MAGI2: variants seen among roughly 807,000 people sequenced by gnomAD.
The protein encoded by MAGI2 is membrane associated guanylate kinase, WW and PDZ domain containing 2.
Under a neutral mutation model 133.3 loss-of-function variants are expected in MAGI2, and 35 were observed. The observed-to-expected ratio is 0.26, with a 90% CI of 0.20 to 0.35. The LOEUF (loss-of-function observed/expected upper bound fraction) is 0.35. Among genes scored for constraint, MAGI2 ranks in the 10% least tolerant of loss-of-function variants. MAGI2 has a pLI of 1.00. For synonymous variants in MAGI2, 729 were observed against 710.6 expected (o/e 1.03, Z -0.41); for missense variants, 1,636 against 1,863.4 (o/e 0.88, Z 2.25).
intron 6 of MAGI2, among the ~76,000 whole-genome samples, chr7:78,387,314 A>G (rs1386820454): frequency 1.3e-5 from 2 of 152,168 alleles, no homozygotes; most frequent in African/African-American, 2.4e-5. Context: ...CTGTTACATG[A>G]ACAGGTGTAA....
At chr7:78,330,772 G>T (rs1468901607) in intron 9 of MAGI2, among the ~76,000 whole-genome samples, 1 of 152,102 alleles carries the variant, frequency 6.6e-6, no homozygotes, top group Non-Finnish European at 1.5e-5. Context: ...ACTTATTATA[G>T]TCAGGTTGGG....
rs1322101359 is a variant in MAGI2, at chr7:78,908,590, G to T, written c.418+98500C>A. ...AGAGGTAGATTAAATAAGCTCATTT[G>T]TGTAATATGATTCATGTTGGTGTTT... On this transcript the variant is annotated intron_variant, in intron 2 of 21. Transcript: ENST00000354212. 5.3e-5 allele frequency among the ~76,000 whole-genome samples: 8 copies of T among 152,298 alleles called. No homozygotes were observed. The East Asian group carries it at 1.5e-3, about 29-fold the overall frequency.
chr7:79,401,842 T>TA (rs1425231509), intron 1 of MAGI2, among the ~76,000 whole-genome samples: 1 of 152,102 alleles, frequency 6.6e-6, no homozygotes, highest in African/African-American at 2.4e-5. Flanking sequence ...GTTAAAGATA[T>TA]AAGAAAAGGA....
rs1233389114 is a variant in MAGI2 at position 78,017,639 on chromosome 7, T to C, written c.*1676A>G. ...ATGAATGGGTTTCATTTTTGGAAAT[T>C]GCTTTTACAAGCTGCAAGATCCTTC... On this transcript the variant is annotated 3_prime_UTR_variant, in exon 22 of 22. Coordinates refer to ENST00000354212, the MANE Select transcript of MAGI2 (RefSeq NM_012301.4). 1 of 152,666 alleles carries C rather than the reference T, an allele frequency of 6.6e-6. No homozygotes were observed. The highest frequency in any genetic ancestry group is 1.5e-5 in the Non-Finnish European group (1 of 68,048). The allele number at this position is 152,666 out of a possible 1,614,324, so 9.5% of individuals were successfully genotyped here.
intron 3 of MAGI2, among the ~76,000 whole-genome samples, chr7:78,566,525 A>G (rs1272572206): frequency 8.5e-6 from 1 of 117,378 alleles, no homozygotes; most frequent in African/African-American, 3.2e-5. Flanking sequence ...CTATCAACAG[A>G]CACAGTTTAA....
rs1794476585 is a variant in MAGI2, at chr7:78,865,362, G to A, written c.418+141728C>T. ...TTTGTGAGGAAGACCATTAGTCAAG[G>A]AGCTCTTAAAGGAAATTTGAGGGAC... On this transcript the variant is annotated intron_variant, in intron 2 of 21. Transcript: ENST00000354212. 2.0e-5 allele frequency among the ~76,000 whole-genome samples: 3 copies of A among 152,224 alleles called. No homozygotes were observed. In the South Asian group the frequency reaches 6.2e-4, roughly 32 times the overall value.
At chr7:78,300,944 TA>T in intron 9 of MAGI2, among the ~76,000 whole-genome samples, 1 of 152,164 alleles carries the variant, frequency 6.6e-6, no homozygotes, top group Admixed American at 6.6e-5. Flanking sequence ...AGCCAAAACA[TA>T]TTGAGTCTGG....
intron 2 of MAGI2, among the ~76,000 whole-genome samples, chr7:78,751,326 T>C (rs1823436729): frequency 6.6e-6 from 1 of 152,202 alleles, no homozygotes; most frequent in Non-Finnish European, 1.5e-5. Context: ...TTTTCATCCA[T>C]GAAACTTTCA....
At chr7:78,454,253 G>A (rs1230310029) in intron 6 of MAGI2, among the ~76,000 whole-genome samples, 2 of 152,084 alleles carry the variant, frequency 1.3e-5, no homozygotes, top group Non-Finnish European at 2.9e-5. Flanking sequence ...TTTGCATCAG[G>A]CTTTTGATAC....
intron 1 of MAGI2, among the ~76,000 whole-genome samples, chr7:79,163,252 G>C (rs540088289): frequency 6.6e-6 from 1 of 151,958 alleles, no homozygotes; most frequent in East Asian, 1.9e-4. Flanking sequence ...CTCAGATCAC[G>C]ATAACCTCTG....
chr7:79,115,460 ATATAGT>A (rs1819309675), intron 1 of MAGI2, among the ~76,000 whole-genome samples: 1 of 152,186 alleles, frequency 6.6e-6, no homozygotes. Context: ...TTGTTAGAAG[ATATAGT>A]TATAATTTTA....
intron 20 of MAGI2, among the ~76,000 whole-genome samples, chr7:78,113,469 T>C (rs1819558985): frequency 1.3e-5 from 2 of 152,192 alleles, no homozygotes; most frequent in Non-Finnish European, 2.9e-5. Context: ...GTGGACTGCA[T>C]ATGTGATGGT....
At chr7:78,200,322 T>A (rs534620103) in intron 11 of MAGI2, among the ~76,000 whole-genome samples, 1 of 152,296 alleles carries the variant, frequency 6.6e-6, no homozygotes, top group African/African-American at 2.4e-5. Context: ...TTTCAATCTA[T>A]CTGCAAGTGA....
At chr7:79,148,098 A>C (rs1490617093) in intron 1 of MAGI2, among the ~76,000 whole-genome samples, 1 of 152,188 alleles carries the variant, frequency 6.6e-6, no homozygotes. Flanking sequence ...TGGCCCATCG[A>C]AGCCCAGCTC....
At chr7:79,352,570 T>C (rs1841762166) in intron 1 of MAGI2, among the ~76,000 whole-genome samples, 1 of 152,236 alleles carries the variant, frequency 6.6e-6, no homozygotes, top group Admixed American at 6.5e-5. Flanking sequence ...AATCTGGCTG[T>C]AAGCCCCACT....
intron 1 of MAGI2, among the ~76,000 whole-genome samples, chr7:79,427,982 G>A (rs1847510058): frequency 6.6e-6 from 1 of 152,146 alleles, no homozygotes; most frequent in African/African-American, 2.4e-5. Flanking sequence ...AGATTAAGGA[G>A]TCAGAAGAAA....
At chr7:78,603,537 C>G (rs1031173387) in intron 3 of MAGI2, among the ~76,000 whole-genome samples, 12 of 152,194 alleles carry the variant, frequency 7.9e-5, no homozygotes, top group African/African-American at 2.6e-4. Context: ...TTTCTATTTT[C>G]TTTTGAGATG....
In MAGI2 at chr7:78,399,105, T is replaced by C. The variant is rs531084118; in HGVS notation, c.1046-29892A>G. ...TATTCATGACAGAGCTAGTGAAGGA[T>C]AGATGCAATAAAGAAATGAAAAATC... On this transcript the variant is annotated intron_variant, in intron 6 of 21. Coordinates refer to ENST00000354212, the MANE Select transcript of MAGI2 (RefSeq NM_012301.4). Among the ~76,000 whole-genome samples the C allele has an allele frequency of 2.1e-5, 3 of 144,782 alleles. No individual in the cohort carries two copies. The East Asian group carries it at 5.8e-4, about 28-fold the overall frequency. 95.0% of individuals were successfully genotyped at this position (144,782 alleles called of 152,430 possible). A position where few individuals can be genotyped will look rare whatever the true frequency, so the allele number is the denominator to read the frequency against.
chr7:79,003,648 A>T (rs939431054), intron 2 of MAGI2, among the ~76,000 whole-genome samples: 2 of 152,200 alleles, frequency 1.3e-5, no homozygotes, highest in African/African-American at 4.8e-5. Flanking sequence ...TTAAGTTTCT[A>T]ACAATGGCAG....
Sources: allele counts gnomAD v4.1 joint callset (sites outside exome capture counted in the v4.1 genomes callset), GRCh38; gene constraint gnomAD v4.1.1; transcripts MANE v1.5; gene names NCBI Gene and HGNC (gene_info 2026-07-23, HGNC 2026-07-21).